CCM2L: variants seen among roughly 807,000 people sequenced by gnomAD.
The protein encoded by CCM2L is CCM2 like scaffold protein.
CCM2L carries 36 observed loss-of-function variants against 54.1 expected under a neutral mutation model. The ratio of observed to expected loss-of-function variants is 0.67; its 90% CI spans 0.51 to 0.88. CCM2L has a LOEUF of 0.88. Among genes scored for constraint, CCM2L ranks in the 40% least tolerant of loss-of-function variants. The probability of loss-of-function intolerance (pLI) is 0.00; values close to 1 mark genes in which losing one functional copy is unlikely to be tolerated. For missense variants in CCM2L, 700 were observed against 812.1 expected, an observed-to-expected ratio of 0.86 and a Z score of 1.68; for synonymous variants, 351 against 359.3, an observed-to-expected ratio of 0.98 and a Z score of 0.26.
chr20:32,019,534 C>A, intron 5 of CCM2L, 125 bp downstream of exon 5: 1 of 630,142 alleles, frequency 1.6e-6, no homozygotes, highest in Non-Finnish European at 2.5e-6. Flanking sequence ...CTGCACCTGC[C>A]CCACCTAATG....
intron 4 of CCM2L, among the ~76,000 whole-genome samples, chr20:32,018,493 C>G (rs994912948): frequency 2.3e-4 from 35 of 151,900 alleles, no homozygotes; most frequent in African/African-American, 8.4e-4. Context: ...GCAGTTACCA[C>G]CCGGCTCTGA....
Position 32,031,211 on chromosome 20 carries a change from C to G in CCM2L, c.1613C>G (p.Thr538Arg), listed in dbSNP as rs1243437692. 1 of 1,301,048 alleles carries G rather than the reference C, an allele frequency of 7.7e-7. No homozygotes were observed. The highest frequency in any genetic ancestry group is 1.0e-6 in the Non-Finnish European group (1 of 988,600). 80.6% of individuals were successfully genotyped at this position (1,301,048 alleles called of 1,614,324 possible). A position where few individuals can be genotyped will look rare whatever the true frequency, so the allele number is the denominator to read the frequency against. The stretch of plus-strand genomic sequence containing the variant: ...TTCCACCGGCTGCTGGCTGACATCA[C>G]GCACGACATCGAGGCGCTGGCCCCC... ...QAFHRLLADI[T>R]HDIEALAPDD... is the part of the protein sequence containing the mutation. The change falls in exon 10 of 10, where the codon ACG (threonine) becomes AGG (arginine). Residue 538 changes from threonine (T) to arginine (R), a missense_variant. Coordinates refer to ENST00000452892, the MANE Select transcript of CCM2L (RefSeq NM_001365692.1).
chr20:32,011,142 A>G lies in CCM2L; in HGVS notation c.30+658A>G, dbSNP rs543937831. On this transcript the variant is annotated intron_variant, in intron 1 of 9. Coordinates refer to ENST00000452892, the MANE Select transcript of CCM2L (RefSeq NM_001365692.1). ...TCTACCCCACCCCCACCAGAAACATATGTCCGGGCTGTTCTAAAAGGTGCC... is the reference window on the plus strand; with the variant it reads ...TCTACCCCACCCCCACCAGAAACATGTGTCCGGGCTGTTCTAAAAGGTGCC... Among the ~76,000 whole-genome samples, 252 of 150,198 alleles carry G rather than the reference A, an allele frequency of 1.7e-3. 1 individual carries two copies. The highest frequency in any genetic ancestry group is 3.2e-3 in the Non-Finnish European group (215 of 67,626).
In CCM2L at chr20:32,031,124, C is replaced by G; in HGVS notation, c.1526C>G (p.Ser509Cys). 1 of 1,304,174 alleles carries G rather than the reference C, an allele frequency of 7.7e-7. No individual in the cohort carries two copies. Among genetic ancestry groups the G allele is most frequent in the South Asian group, 1.2e-5 (1 of 81,028 alleles). The allele number at this position is 1,304,174 out of a possible 1,614,324, so 80.8% of individuals were successfully genotyped here. A position where few individuals can be genotyped will look rare whatever the true frequency, so the allele number is the denominator to read the frequency against. The change falls in exon 10 of 10, where the codon TCC (serine) becomes TGC (cysteine). Residue 509 changes from serine to cysteine, a missense_variant. Physicochemically the swap from Ser to Cys is moderately radical, Grantham distance 112. Coordinates refer to ENST00000452892, the MANE Select transcript of CCM2L (RefSeq NM_001365692.1). ...GGCCGCATCAAGCGCAGCATGAGCT[C>G]CACGTCGGCCTCCGCAGTGCGCAGC... ...SFGRIKRSMS[S>C]TSASAVRSYD...
At chr20:32,029,978 G>C in intron 9 of CCM2L, 140 bp downstream of exon 9, 1 of 1,100,182 alleles carries the variant, frequency 9.1e-7, no homozygotes, top group Non-Finnish European at 1.2e-6. Flanking sequence ...TCACAGGGCA[G>C]ATGAGGAGCC....
At chr20:32,021,739 A>G (rs889922230) in intron 5 of CCM2L, among the ~76,000 whole-genome samples, 1 of 152,156 alleles carries the variant, frequency 6.6e-6, no homozygotes, top group African/African-American at 2.4e-5. Flanking sequence ...TAGAGTAAAA[A>G]ACAACCTGGG....
intron 6 of CCM2L, among the ~76,000 whole-genome samples, chr20:32,025,271 T>C (rs1387551516): frequency 6.6e-6 from 1 of 151,714 alleles, no homozygotes; most frequent in Non-Finnish European, 1.5e-5. Flanking sequence ...TCTTTTTCTT[T>C]TCTTTTATTT....
At position 32,031,111 on chromosome 20, in the gene CCM2L, C is replaced by T. The variant is rs562123754; in HGVS notation, c.1513C>T (p.Arg505Cys). ...ILTDSFGRIK[R>C]SMSSTSASAV... is the part of the protein sequence containing the mutation. ...CACTGACAGCTTCGGCCGCATCAAG[C>T]GCAGCATGAGCTCCACGTCGGCCTC... The change falls in exon 10 of 10, where the codon CGC becomes TGC. Residue 505 changes from arginine to cysteine, a missense_variant. Arg to Cys is a radical substitution (Grantham distance 180, BLOSUM62 -3). Coordinates refer to ENST00000452892, the MANE Select transcript of CCM2L (RefSeq NM_001365692.1). The T allele has an allele frequency of 2.3e-6, 3 of 1,304,264 alleles. No individual in the cohort carries two copies. The highest frequency in any genetic ancestry group is 1.5e-5 in the African/African-American group (1 of 66,006). The allele number at this position is 1,304,264 out of a possible 1,614,324, so 80.8% of individuals were successfully genotyped here.
intron 7 of CCM2L, among the ~76,000 whole-genome samples, chr20:32,026,669 A>C (rs2064863888): frequency 6.6e-6 from 1 of 152,180 alleles, no homozygotes; most frequent in South Asian, 2.1e-4. Context: ...TGAGCCTGGG[A>C]GTTCCAAACC....
In CCM2L at chr20:32,029,818, G is replaced by C. The variant is rs780559369; in HGVS notation, c.1382G>C (p.Arg461Pro). 17 of 1,605,642 alleles carry C rather than the reference G, an allele frequency of 1.1e-5. No individual in the cohort carries two copies. The highest frequency in any genetic ancestry group is 1.4e-5 in the Non-Finnish European group (16 of 1,174,910). The part of the protein sequence containing the change: ...CTGLLKLYGD[R>P]RKFLLLGMRP... The stretch of plus-strand genomic sequence containing the variant: ...GGCCTGCTGAAGCTCTACGGAGACC[G>C]GCGCAAGTTCCTCCTCCTTGGTGAG... The change falls in exon 9 of 10, where the codon CGG (arginine) becomes CCG (proline). Residue 461 changes from arginine (R) to proline (P), a missense_variant. Transcript: ENST00000452892.
intron 9 of CCM2L, among the ~76,000 whole-genome samples, chr20:32,030,132 A>T (rs529588978): frequency 6.6e-6 from 1 of 152,324 alleles, no homozygotes; most frequent in African/African-American, 2.4e-5. Flanking sequence ...ACGGAAGCTG[A>T]GGCTCAGAAA....
At chr20:32,027,255 T>C (rs2064871229) in intron 7 of CCM2L, among the ~76,000 whole-genome samples, 1 of 152,232 alleles carries the variant, frequency 6.6e-6, no homozygotes, top group African/African-American at 2.4e-5. Context: ...CAGTGATATA[T>C]GTCTTATTGT....
At position 32,019,420 on chromosome 20, in the gene CCM2L, G is replaced by A. The variant is rs2122338624; in HGVS notation, c.933+11G>A. 1.3e-6 allele frequency: 2 copies of A among 1,502,204 alleles called. No individual in the cohort carries two copies. Among genetic ancestry groups the A allele is most frequent in the Non-Finnish European group, 1.8e-6 (2 of 1,131,638 alleles). The allele number at this position is 1,502,204 out of a possible 1,614,324, so 93.1% of individuals were successfully genotyped here. ...GCTGTAGCCAACAGGGTGAGCCCGA[G>A]GGCAGCCTGCTCCCAAAGCCCGGCT... On this transcript the variant is annotated intron_variant, in intron 5 of 9. Transcript: ENST00000452892.
intron 2 of CCM2L, 112 bp downstream of exon 2, chr20:32,015,183 T>C (rs1331410691): frequency 3.5e-6 from 4 of 1,133,672 alleles, no homozygotes; most frequent in Admixed American, 6.2e-5. Context: ...TTGTGGCTCA[T>C]TGGAAAGAGG....
rs139704146 is a variant in CCM2L at position 32,031,239 on chromosome 20, TGAC to T, written c.1656_1658del (p.Asp552del). 17 of 1,298,672 alleles carry T rather than the reference TGAC, an allele frequency of 1.3e-5. No homozygotes were observed. The highest frequency in any genetic ancestry group is 1.1e-4 in the East Asian group (2 of 17,970). 80.4% of individuals were successfully genotyped at this position (1,298,672 alleles called of 1,614,324 possible). A position where few individuals can be genotyped will look rare whatever the true frequency, so the allele number is the denominator to read the frequency against. ...ACGACATCGAGGCGCTGGCCCCCGA[TGAC>T]GACGACGACGACGAGGATGAGCCCC... On this transcript the variant is annotated inframe_deletion, in exon 10 of 10. Coordinates refer to ENST00000452892, the MANE Select transcript of CCM2L (RefSeq NM_001365692.1).
At chr20:32,030,180 G>A (rs1032661043) in intron 9 of CCM2L, among the ~76,000 whole-genome samples, 1 of 152,182 alleles carries the variant, frequency 6.6e-6, no homozygotes, top group African/African-American at 2.4e-5. Flanking sequence ...AGCTAGTAAG[G>A]AGGGCTAATA....
intron 8 of CCM2L, 121 bp downstream of exon 8, chr20:32,029,245 G>A: frequency 7.0e-7 from 1 of 1,423,490 alleles, no homozygotes; most frequent in Non-Finnish European, 9.7e-7. Context: ...GGTCAGAGCA[G>A]GAAATGAGGT....
At chr20:32,026,611 C>T (rs768239137) in intron 7 of CCM2L, among the ~76,000 whole-genome samples, 5 of 152,172 alleles carry the variant, frequency 3.3e-5, no homozygotes, top group Non-Finnish European at 7.3e-5. Context: ...TGCGGTGGCT[C>T]GCACCTGTAA....
intron 6 of CCM2L, among the ~76,000 whole-genome samples, chr20:32,023,711 G>A (rs772626541): frequency 2.2e-4 from 33 of 152,026 alleles, no homozygotes; most frequent in Non-Finnish European, 4.3e-4. Flanking sequence ...CCATTTTTTC[G>A]TTTGGTTGGT....
Sources: allele counts gnomAD v4.1 joint callset (sites outside exome capture counted in the v4.1 genomes callset), GRCh38; gene constraint gnomAD v4.1.1; transcripts MANE v1.5; gene names NCBI Gene and HGNC (gene_info 2026-07-23, HGNC 2026-07-21).